The following WWOX variants were observed in gnomAD, a reference collection of about 807,000 sequenced individuals.
The protein encoded by WWOX is WW domain containing oxidoreductase, also known as WW domain-containing oxidoreductase.
A neutral mutation model predicts 46.2 loss-of-function variants in WWOX; 69 were observed. That is an observed-to-expected ratio of 1.49 (90% CI 1.23 to 1.82). The LOEUF (loss-of-function observed/expected upper bound fraction) is 1.82, where lower values mean the gene tolerates loss of function less well. Among genes scored for constraint, WWOX ranks in the 40% most tolerant of loss-of-function variants. WWOX has a pLI of 0.00. For missense variants in WWOX, 919 were observed against 542.6 expected (o/e 1.69, Z -6.89); for synonymous variants, 359 against 202.6 (o/e 1.77, Z -6.56).
intron 5 of WWOX, among the ~76,000 whole-genome samples, chr16:78,294,352 C>T (rs1413487055): frequency 2.0e-5 from 3 of 152,092 alleles, no homozygotes; most frequent in African/African-American, 2.4e-5. Context: ...CTGATGAGCC[C>T]CTTCCACTCA....
At chr16:79,061,070 G>T (rs377194204) in intron 8 of WWOX, among the ~76,000 whole-genome samples, 1 of 152,158 alleles carries the variant, frequency 6.6e-6, no homozygotes, top group African/African-American at 2.4e-5. Context: ...ACAGCCTCTC[G>T]AAGGGACGTG....
chr16:79,048,704 A>G (rs569775164), intron 8 of WWOX, among the ~76,000 whole-genome samples: 1 of 152,236 alleles, frequency 6.6e-6, no homozygotes, highest in Non-Finnish European at 1.5e-5. Flanking sequence ...TATTTCTTCA[A>G]ACTTTCAAAT....
chr16:78,156,135 A>C (rs982966437), intron 4 of WWOX, among the ~76,000 whole-genome samples: 1 of 152,302 alleles, frequency 6.6e-6, no homozygotes, highest in East Asian at 1.9e-4. Context: ...AGACACAGAG[A>C]CAGATGGCTT....
chr16:78,111,449 C>A (rs1404609404), intron 3 of WWOX, among the ~76,000 whole-genome samples: 2 of 152,138 alleles, frequency 1.3e-5, no homozygotes, highest in African/African-American at 2.4e-5. Context: ...TGAGAAGTGA[C>A]CTAGAAGGCA....
chr16:78,521,128 G>C (rs905223384), intron 8 of WWOX, among the ~76,000 whole-genome samples: 1 of 152,202 alleles, frequency 6.6e-6, no homozygotes. Flanking sequence ...ACATTTGACA[G>C]CTGTCTTATA....
intron 8 of WWOX, among the ~76,000 whole-genome samples, chr16:78,781,495 C>G (rs2050323246): frequency 6.6e-6 from 1 of 152,190 alleles, no homozygotes; most frequent in Admixed American, 6.5e-5. Flanking sequence ...GCTGGCATTA[C>G]TAGGTATAGA....
At chr16:78,724,235 C>G (rs896061718) in intron 8 of WWOX, among the ~76,000 whole-genome samples, 1 of 152,182 alleles carries the variant, frequency 6.6e-6, no homozygotes, top group Non-Finnish European at 1.5e-5. Flanking sequence ...GTTGAGCAGT[C>G]TTCTAGGGCC....
intron 8 of WWOX, among the ~76,000 whole-genome samples, chr16:78,658,400 A>G (rs1038588290): frequency 2.6e-5 from 4 of 152,214 alleles, no homozygotes; most frequent in African/African-American, 2.4e-5. Context: ...CCTCACAAGA[A>G]TTCTGTAATG....
In WWOX at chr16:78,115,776, A is replaced by C. The variant is rs563052326; in HGVS notation, c.409+622A>C. On this transcript the variant is annotated intron_variant, in intron 4 of 8. Transcript: ENST00000566780. Reference sequence around the variant, plus strand: ...AGGCGGGAGCAAACCATAACTCTTCATAGGATTTTATTCTGATTTTGCTTT... The same window carrying C: ...AGGCGGGAGCAAACCATAACTCTTCCTAGGATTTTATTCTGATTTTGCTTT... Among the ~76,000 whole-genome samples the C allele has an allele frequency of 3.3e-5, 5 of 152,274 alleles. No homozygotes were observed. The East Asian group carries it at 7.7e-4, about 23-fold the overall frequency.
intron 8 of WWOX, among the ~76,000 whole-genome samples, chr16:78,887,075 GTGGTGTGTGTGTGTGT>G (rs1567627140): frequency 4.8e-5 from 1 of 20,896 alleles, no homozygotes; most frequent in African/African-American, 7.3e-5. Flanking sequence ...GTGTGTGTGT[GTGGTGTGTGTGTGTGT>G]GTGTGTGTGT....
chr16:78,629,922 G>A (rs116790921), intron 8 of WWOX, among the ~76,000 whole-genome samples: 2,323 of 152,216 alleles, frequency 0.015, 56 homozygotes, highest in African/African-American at 0.052. Context: ...AATTAACGTA[G>A]ATCACAGAAA....
chr16:79,024,945 A>C (rs1293066167), intron 8 of WWOX, among the ~76,000 whole-genome samples: 2 of 152,124 alleles, frequency 1.3e-5, no homozygotes, highest in Non-Finnish European at 2.9e-5. Context: ...GAGGATGGGG[A>C]CACAGAGTGA....
intron 8 of WWOX, among the ~76,000 whole-genome samples, chr16:78,831,415 A>G (rs1027795188): frequency 1.3e-5 from 2 of 152,218 alleles, no homozygotes; most frequent in Non-Finnish European, 2.9e-5. Flanking sequence ...TGTAAAAATG[A>G]TGTCTTAAGA....
chr16:78,178,363 T>G (rs1597314565), intron 5 of WWOX, among the ~76,000 whole-genome samples: 1 of 152,194 alleles, frequency 6.6e-6, no homozygotes, highest in Admixed American at 6.5e-5. Context: ...TATTGGACAG[T>G]TGGAAATGTC....
chr16:79,019,038 T>G (rs1371973530), intron 8 of WWOX, among the ~76,000 whole-genome samples: 5 of 151,152 alleles, frequency 3.3e-5, no homozygotes, highest in African/African-American at 1.2e-4. Flanking sequence ...ATGCCTGTAG[T>G]TTCAGCTATT....
chr16:79,196,573 C>G (rs779882831), intron 8 of WWOX: 1 of 152,196 alleles, frequency 6.6e-6, no homozygotes, highest in Non-Finnish European at 1.5e-5. Context: ...CGCAAGATTT[C>G]CAATCCCATA....
intron 8 of WWOX, among the ~76,000 whole-genome samples, chr16:79,044,823 C>T (rs931367569): frequency 6.6e-5 from 10 of 151,722 alleles, no homozygotes; most frequent in East Asian, 1.9e-4. Context: ...CAAGGCCCAG[C>T]GCTGCCACTT....
Position 78,422,663 on chromosome 16 carries a change from GTATATATATATA to G in WWOX, c.606-2196_606-2185del, listed in dbSNP as rs569996246. Among the ~76,000 whole-genome samples, 7 of 24,408 alleles carry G rather than the reference GTATATATATATA, an allele frequency of 2.9e-4. 1 individual carries two copies. Among genetic ancestry groups the G allele is most frequent in the East Asian group, 7.4e-4 (1 of 1,348 alleles). The allele number at this position is 24,408 out of a possible 152,430, so 16.0% of individuals were successfully genotyped here. On this transcript the variant is annotated intron_variant, in intron 6 of 8. Transcript: ENST00000566780. ...GCCCAGCCTCCTGTTTTTTTTACAT[GTATATATATATA>G]TATATATATACACACACACACACAC...
intron 8 of WWOX, among the ~76,000 whole-genome samples, chr16:78,549,515 C>T (rs931326484): frequency 5.9e-5 from 9 of 152,124 alleles, no homozygotes; most frequent in East Asian, 1.9e-4. Flanking sequence ...CATGCTATCT[C>T]GACTTCTGTG....
Sources: allele counts gnomAD v4.1 joint callset (sites outside exome capture counted in the v4.1 genomes callset), GRCh38; gene constraint gnomAD v4.1.1; transcripts MANE v1.5; gene names NCBI Gene and HGNC (gene_info 2026-07-23, HGNC 2026-07-21).